The following TSPAN5 variants were observed in gnomAD, a reference collection of about 807,000 sequenced individuals.
TSPAN5 encodes tetraspanin 5.
A neutral mutation model predicts 37.1 loss-of-function variants in TSPAN5; 10 were observed. The observed-to-expected ratio is 0.27, with a 90% CI of 0.17 to 0.46. TSPAN5 has a LOEUF of 0.46. Among genes scored for constraint, TSPAN5 ranks in the 20% least tolerant of loss-of-function variants. TSPAN5 has a pLI of 1.00. For synonymous variants in TSPAN5, 110 were observed against 118.9 expected (o/e 0.93, Z 0.48); for missense variants, 195 against 326.6 (o/e 0.60, Z 3.11).
intron 7 of TSPAN5, among the ~76,000 whole-genome samples, chr4:98,474,840 A>AT (rs1053129189): frequency 1.3e-5 from 2 of 152,156 alleles, no homozygotes; most frequent in South Asian, 2.1e-4. Flanking sequence ...CATTTGGCTA[A>AT]TTTTTTTATT....
At chr4:98,486,914 C>T in intron 2 of TSPAN5, 30 bp from the exon 3 acceptor site, 1 of 1,607,638 alleles carries the variant, frequency 6.2e-7, no homozygotes, top group Non-Finnish European at 8.5e-7. Context: ...CACAACAAGG[C>T]ACGGGGATGT....
In TSPAN5 at chr4:98,633,797, C is replaced by T. The variant is rs1000557462; in HGVS notation, c.81+24349G>A. Reference sequence around the variant, plus strand: ...TCATGTACTTAAAAGTGATCAATCACGGCCGGGCACGATGGCTGACGCCTG... The same window carrying T: ...TCATGTACTTAAAAGTGATCAATCATGGCCGGGCACGATGGCTGACGCCTG... On this transcript the variant is annotated intron_variant, in intron 1 of 7. Coordinates refer to ENST00000305798, the MANE Select transcript of TSPAN5 (RefSeq NM_005723.4). Among the ~76,000 whole-genome samples, 6 of 152,214 alleles carry T rather than the reference C, an allele frequency of 3.9e-5. No individual in the cohort carries two copies. In the South Asian group the frequency reaches 8.3e-4, roughly 21 times the overall value.
At chr4:98,551,419 T>A (rs200769748) in intron 1 of TSPAN5, among the ~76,000 whole-genome samples, 190 of 14,824 alleles carry the variant, frequency 0.013, 2 homozygotes, top group African/African-American at 0.067. Flanking sequence ...AATCCTCTCG[T>A]TTTTTTTTTT....
intron 1 of TSPAN5, among the ~76,000 whole-genome samples, chr4:98,616,003 T>A (rs1560560920): frequency 1.3e-5 from 2 of 152,120 alleles, no homozygotes; most frequent in Non-Finnish European, 2.9e-5. Context: ...CAACTGCCAG[T>A]GCACACACCA....
chr4:98,505,661 G>A (rs188695093), intron 2 of TSPAN5, among the ~76,000 whole-genome samples: 1 of 152,282 alleles, frequency 6.6e-6, no homozygotes, highest in Non-Finnish European at 1.5e-5. Flanking sequence ...GCTTCTCATT[G>A]GTGACCCACC....
intron 1 of TSPAN5, among the ~76,000 whole-genome samples, chr4:98,641,246 C>A (rs372919016): frequency 1.1e-4 from 16 of 152,200 alleles, no homozygotes; most frequent in Non-Finnish European, 1.8e-4. Context: ...AACAAAAAAA[C>A]CAAACAGGAC....
At chr4:98,482,482 T>A (rs1218960870) in intron 3 of TSPAN5, 1 of 207,122 alleles carries the variant, frequency 4.8e-6, no homozygotes, top group Non-Finnish European at 9.6e-6. Context: ...CCTAATTAAT[T>A]TCTCATGATT....
intron 1 of TSPAN5, among the ~76,000 whole-genome samples, chr4:98,626,732 C>T (rs954477194): frequency 6.6e-6 from 1 of 152,094 alleles, no homozygotes; most frequent in South Asian, 2.1e-4. Flanking sequence ...TCCCTGGCCA[C>T]TTTATCAAGA....
chr4:98,497,338 A>AAAGG lies in TSPAN5; in HGVS notation c.132+10336_132+10339dup, dbSNP rs1403897824. 2.0e-5 allele frequency among the ~76,000 whole-genome samples: 3 copies of AAAGG among 151,200 alleles called. No homozygotes were observed. In the East Asian group the frequency reaches 5.8e-4, roughly 29 times the overall value. On this transcript the variant is annotated intron_variant, in intron 2 of 7. Coordinates refer to ENST00000305798, the MANE Select transcript of TSPAN5 (RefSeq NM_005723.4). ...TCTCAAAAAAAAAAAAAAAAAAAGA[A>AAAGG]AAGGAAGAGACCAGGGCCCTCCCTC...
At chr4:98,583,623 G>A (rs1755418855) in intron 1 of TSPAN5, among the ~76,000 whole-genome samples, 2 of 152,228 alleles carry the variant, frequency 1.3e-5, no homozygotes, top group Non-Finnish European at 2.9e-5. Context: ...ACTGTGTGAA[G>A]GCAAGAGCTG....
intron 1 of TSPAN5, among the ~76,000 whole-genome samples, chr4:98,641,608 A>T (rs1168194033): frequency 6.6e-6 from 1 of 152,242 alleles, no homozygotes; most frequent in Non-Finnish European, 1.5e-5. Flanking sequence ...AACCAAATAC[A>T]GTCAAAGTGC....
rs150496965 is a variant in TSPAN5 at position 98,472,666 on chromosome 4, A to G, written c.742-79T>C. On this transcript the variant is annotated intron_variant, in intron 7 of 7. Coordinates refer to ENST00000305798, the MANE Select transcript of TSPAN5 (RefSeq NM_005723.4). ...TGGCCACTGTGTCCCATTTTTTTAAATCATTGATTTTTGAAATTTAAGATG... is the reference window on the plus strand; with the variant it reads ...TGGCCACTGTGTCCCATTTTTTTAAGTCATTGATTTTTGAAATTTAAGATG... 304 of 1,270,860 alleles carry G rather than the reference A, an allele frequency of 2.4e-4. 1 individual carries two copies. The highest frequency in any genetic ancestry group is 3.2e-4 in the Non-Finnish European group (289 of 892,580). The allele number at this position is 1,270,860 out of a possible 1,614,324, so 78.7% of individuals were successfully genotyped here.
At position 98,471,276 on chromosome 4, in the gene TSPAN5, G is replaced by A. The variant is rs1468295102; in HGVS notation, c.*1246C>T. On this transcript the variant is annotated 3_prime_UTR_variant, in exon 8 of 8. Transcript: ENST00000305798. The stretch of plus-strand genomic sequence containing the variant: ...AAGAAACCATTAGAAGCTTTTGACT[G>A]GGTCAATGTTGTTTCCAAATTGGGT... The A allele has an allele frequency of 6.6e-6, 1 of 152,146 alleles. No homozygotes were observed. The highest frequency in any genetic ancestry group is 1.5e-5 in the Non-Finnish European group (1 of 68,038). 9.4% of individuals were successfully genotyped at this position (152,146 alleles called of 1,614,324 possible).
At chr4:98,523,208 T>C (rs1191156927) in intron 1 of TSPAN5, among the ~76,000 whole-genome samples, 1 of 152,214 alleles carries the variant, frequency 6.6e-6, no homozygotes, top group Non-Finnish European at 1.5e-5. Context: ...TTTCCTTTTC[T>C]GTTAGAATTG....
chr4:98,588,342 G>A (rs1054115198), intron 1 of TSPAN5, among the ~76,000 whole-genome samples: 1 of 151,530 alleles, frequency 6.6e-6, no homozygotes, highest in East Asian at 1.9e-4. Flanking sequence ...TGTTTCCACC[G>A]TATGTTTCGC....
At chr4:98,584,637 T>C (rs1191926702) in intron 1 of TSPAN5, among the ~76,000 whole-genome samples, 3 of 152,208 alleles carry the variant, frequency 2.0e-5, no homozygotes, top group African/African-American at 7.2e-5. Flanking sequence ...GAAAAATCAT[T>C]TCCTTGCTAA....
chr4:98,641,331 A>G (rs1756959423), intron 1 of TSPAN5, among the ~76,000 whole-genome samples: 1 of 152,188 alleles, frequency 6.6e-6, no homozygotes, highest in African/African-American at 2.4e-5. Flanking sequence ...ATGAAATATA[A>G]AAATATTAAA....
rs867778868 is a variant in TSPAN5, at chr4:98,556,287, G to C, written c.82-48559C>G. On this transcript the variant is annotated intron_variant, in intron 1 of 7. Transcript: ENST00000305798. ...GCTTTCCTGTCTCAGGAAGCTCCCA[G>C]AGACTCCCTAACTGCATCTCATTCA... Among the ~76,000 whole-genome samples the C allele has an allele frequency of 3.9e-5, 6 of 152,272 alleles. No homozygotes were observed. In the Middle Eastern group the frequency reaches 0.017, roughly 432 times the overall value.
chr4:98,566,906 A>T (rs1200483300), intron 1 of TSPAN5, among the ~76,000 whole-genome samples: 1 of 152,180 alleles, frequency 6.6e-6, no homozygotes, highest in Non-Finnish European at 1.5e-5. Context: ...CGGCCTCAAG[A>T]GGAGGAATAC....
Sources: allele counts gnomAD v4.1 joint callset (sites outside exome capture counted in the v4.1 genomes callset), GRCh38; gene constraint gnomAD v4.1.1; transcripts MANE v1.5; gene names NCBI Gene and HGNC (gene_info 2026-07-23, HGNC 2026-07-21).